Variants in MYH3 observed in about 807,000 individuals in gnomAD.
MYH3 encodes myosin-3.
Under a neutral mutation model 238.0 loss-of-function variants are expected in MYH3, and 130 were observed. The observed-to-expected ratio is 0.55, with a 90% confidence interval of 0.47 to 0.63. The LOEUF is 0.63. MYH3 is among the 30% of genes least tolerant of loss of function. The probability of loss-of-function intolerance (pLI) is 0.00; values close to 1 mark genes in which losing one functional copy is unlikely to be tolerated. For missense variants in MYH3, 1,853 were observed against 2,374.9 expected (o/e 0.78, Z 4.57); for synonymous variants, 880 against 924.1 (o/e 0.95, Z 0.86).
chr17:10,632,849 C>T (rs2074178682), intron 33 of MYH3, 65 bp from the exon 34 acceptor site: 2 of 1,527,468 alleles, frequency 1.3e-6, no homozygotes, highest in South Asian at 1.1e-5. Flanking sequence ...CACTACCCTG[C>T]AGGATAACAA....
At chr17:10,644,062 A>T (rs1431515235) in intron 14 of MYH3, among the ~76,000 whole-genome samples, 3 of 151,838 alleles carry the variant, frequency 2.0e-5, no homozygotes, top group East Asian at 3.9e-4. Context: ...CAGGAGGCTG[A>T]GGCAGGAGGT....
intron 33 of MYH3, 93 bp from the exon 34 acceptor site, chr17:10,632,877 C>T (rs999922636): frequency 6.1e-6 from 8 of 1,313,534 alleles, no homozygotes; most frequent in Non-Finnish European, 8.8e-6. Context: ...ATGGAATAGT[C>T]CTAAATCTAA....
chr17:10,630,962 C>T (rs1009644572), intron 36 of MYH3, among the ~76,000 whole-genome samples: 2 of 152,202 alleles, frequency 1.3e-5, no homozygotes, highest in Non-Finnish European at 2.9e-5. Context: ...GATAAAATAA[C>T]CTAATCAATG....
At chr17:10,641,676 G>GCCCA (rs2074274197) in intron 17 of MYH3, among the ~76,000 whole-genome samples, 1 of 151,950 alleles carries the variant, frequency 6.6e-6, no homozygotes, top group Non-Finnish European at 1.5e-5. Flanking sequence ...CACCACACCT[G>GCCCA]GCTAATTTTT....
chr17:10,635,677 T>C, intron 29 of MYH3, 58 bp downstream of exon 29: 4 of 1,612,744 alleles, frequency 2.5e-6, no homozygotes, highest in Non-Finnish European at 3.4e-6. Context: ...TTTTATTTTT[T>C]CCTCCTACAG....
intron 19 of MYH3, 47 bp from the exon 20 acceptor site, chr17:10,640,733 A>G: frequency 1.2e-6 from 2 of 1,603,632 alleles, no homozygotes; most frequent in Non-Finnish European, 1.7e-6. Context: ...GCAAAGACAC[A>G]AACCTTGGAG....
In MYH3 at chr17:10,642,305, T is replaced by C. The variant is rs764508115; in HGVS notation, c.1894A>G (p.Ser632Gly). Residue 632 changes from serine (S) to glycine (G), a missense_variant, in exon 17 of 41, where the codon AGT becomes GGT. By Grantham distance (56) the Ser-to-Gly change is moderately conservative (BLOSUM62 0). This residue lies in a region of MYH3 where 678 missense variants were observed against 1,058.9 expected (regional missense o/e 0.64). Transcript: ENST00000583535. This position sits in a 1 kb window ranked among gnomAD's most constrained non-coding sequence, Gnocchi z 5.4. ...TTCTTGGCAACTTTCTTCTTTCCAC[T>C]GTCAGCTGAAAGCAATAAGGGAGGG... Reference protein sequence around the residue: ...YATFATADADSGKKKVAKKKG... With the variant: ...YATFATADADGGKKKVAKKKG... 1 of 1,614,166 alleles carries C rather than the reference T, an allele frequency of 6.2e-7. No homozygotes were observed. Among genetic ancestry groups the C allele is most frequent in the East Asian group, 2.2e-5 (1 of 44,888 alleles).
rs1278822605 is a variant in MYH3, at chr17:10,630,148, CTG to C, written c.5504_5505del (p.Thr1835ArgfsTer4). ...TACTTCCTCAGGCCCTTAACAGACT[CTG>C]TGTTCTTCTTCTGCTCTCCCTCAAG... ...FELEGEQKKN[T>X]ESVKGLRKYE... On this transcript the variant is annotated frameshift_variant, in exon 38 of 41. Coordinates refer to ENST00000583535, the MANE Select transcript of MYH3 (RefSeq NM_002470.4). LOFTEE classifies it high-confidence loss of function. 6.2e-7 allele frequency: 1 copy of C among 1,614,068 alleles called. No homozygotes were observed. Among genetic ancestry groups the C allele is most frequent in the Non-Finnish European group, 8.5e-7 (1 of 1,180,042 alleles).
chr17:10,669,392 A>G, the MYH3 span, among the ~76,000 whole-genome samples: 5 of 151,928 alleles, frequency 3.3e-5, no homozygotes, highest in African/African-American at 1.2e-4. Flanking sequence ...ATCTCTACTA[A>G]AAATACAAAA....
rs1310796995 is a variant in MYH3, at chr17:10,633,702, A to T, written c.4536T>A (p.Asp1512Glu). The T allele has an allele frequency of 6.2e-7, 1 of 1,614,028 alleles. No homozygotes were observed. Among genetic ancestry groups the T allele is most frequent in the Non-Finnish European group, 8.5e-7 (1 of 1,180,004 alleles). The change falls in exon 33 of 41, where the codon GAT (aspartate) becomes GAA (glutamate). Residue 1512 changes from aspartate (D) to glutamate (E), a missense_variant. Asp to Glu is a conservative substitution (Grantham distance 45). Coordinates refer to ENST00000583535, the MANE Select transcript of MYH3 (RefSeq NM_002470.4). ...CATTTTCAGCAATTTGTTCTGTGAG[A>T]TCTGCTATCTCCTCTGTAAAGAAGT... is the stretch of plus-strand genomic sequence containing the variant. ...ENKNLEQEIA[D>E]LTEQIAENGK...
At chr17:10,647,143 A>G in intron 10 of MYH3, 39 bp downstream of exon 10, 1 of 1,493,320 alleles carries the variant, frequency 6.7e-7, no homozygotes, top group Non-Finnish European at 9.3e-7. Context: ...ATCAGAGTCA[A>G]ACTACCTAAA....
At chr17:10,640,542 C>T (rs2074261197) in intron 20 of MYH3, 21 bp downstream of exon 20, 1 of 1,614,154 alleles carries the variant, frequency 6.2e-7, no homozygotes, top group Non-Finnish European at 8.5e-7. Flanking sequence ...AGGCCAGCAT[C>T]TGTCAGAACT....
Position 10,641,361 on chromosome 17 carries a change from G to A in MYH3, c.1971C>T (p.Asn657=), listed in dbSNP as rs764796891. The A allele has an allele frequency of 5.1e-5, 81 of 1,592,200 alleles. No homozygotes were observed. The South Asian group carries it at 6.3e-4, about 12-fold the overall frequency. Residue 657 remains asparagine, a synonymous_variant, in exon 18 of 41, where the codon AAC becomes AAT. Transcript: ENST00000583535. ...TVSALFRENL[N]KLMSNLRTTH... is the part of the protein sequence containing the mutation. The stretch of plus-strand genomic sequence containing the variant: ...TAGTTCTTAAATTTGACATCAGCTT[G>A]TTCAGGTTTTCCTAAGAGAAAAAAA...
chr17:10,629,996 T>C (rs887560046), intron 38 of MYH3, 59 bp from the exon 39 acceptor site: 1 of 1,606,612 alleles, frequency 6.2e-7, no homozygotes, highest in African/African-American at 1.3e-5. Context: ...GCACACGGCA[T>C]GGGCAGCTTT....
chr17:10,633,963 C>A, intron 32 of MYH3, 54 bp downstream of exon 32: 1 of 1,602,426 alleles, frequency 6.2e-7, no homozygotes, highest in South Asian at 1.1e-5. Flanking sequence ...CCAGCATGCT[C>A]TCGAGCAATA....
In MYH3 at chr17:10,635,669, T is replaced by A. The variant is rs1389539234; in HGVS notation, c.3975+66A>T. On this transcript the variant is annotated intron_variant, in intron 29 of 40. Coordinates refer to ENST00000583535, the MANE Select transcript of MYH3 (RefSeq NM_002470.4). ...ACCACCTTCTGAATGAAGTTGCCTT[T>A]TATTTTTTCCTCCTACAGGTGATAT... 6 of 1,612,962 alleles carry A rather than the reference T, an allele frequency of 3.7e-6. No individual in the cohort carries two copies. The Admixed American group carries it at 1.0e-4, about 27-fold the overall frequency.
chr17:10,632,829 G>C (rs1369591492), intron 33 of MYH3, 45 bp from the exon 34 acceptor site: 1 of 1,594,360 alleles, frequency 6.3e-7, no homozygotes, highest in Admixed American at 1.7e-5. Context: ...TGATGGTATG[G>C]AGCCAGCTCC....
Position 10,654,880 on chromosome 17 carries a change from A to G in MYH3, c.185T>C (p.Val62Ala), listed in dbSNP as rs1252698051. The G allele has an allele frequency of 2.5e-6, 4 of 1,613,994 alleles. No homozygotes were observed. Among genetic ancestry groups the G allele is most frequent in the South Asian group, 1.1e-5 (1 of 91,082 alleles). Residue 62 changes from valine to alanine, a missense_variant, in exon 3 of 41, where the codon GTG (valine) becomes GCG (alanine). By Grantham distance (64) the Val-to-Ala change is moderately conservative (BLOSUM62 0). Coordinates refer to ENST00000583535, the MANE Select transcript of MYH3 (RefSeq NM_002470.4). The surrounding 1 kb of genome is among the most constrained non-coding windows in gnomAD (Gnocchi z 4.5). ...CCTTACCCTGTTGTCCTCAGTTTCC[A>G]CAGTGACCTTCCCATCCTGAGAACT... ...IKSSQDGKVT[V>A]ETEDNRTLVV...
Position 10,639,998 on chromosome 17 carries a change from C to A in MYH3, c.2680G>T (p.Ala894Ser). 1 of 1,613,400 alleles carries A rather than the reference C, an allele frequency of 6.2e-7. No individual in the cohort carries two copies. Among genetic ancestry groups the A allele is most frequent in the Non-Finnish European group, 8.5e-7 (1 of 1,179,940 alleles). Residue 894 changes from alanine (A) to serine (S), a missense_variant and splice_region_variant, in exon 22 of 41, where the codon GCT (alanine) becomes TCT (serine). This residue lies in a region of MYH3 where 678 missense variants were observed against 1,058.9 expected (regional missense o/e 0.64). Transcript: ENST00000583535. ...EKNDLQLQVQ[A>S]ESENLLDAEE... ...AAAAAAGATTGCTAAACACGTACAG[C>A]TTGTACTTGGAGCTGCAGGTCATTC... is the stretch of plus-strand genomic sequence containing the variant.
Sources: allele counts gnomAD v4.1 joint callset (sites outside exome capture counted in the v4.1 genomes callset), GRCh38; gene constraint gnomAD v4.1.1; regional missense constraint gnomAD v4.1.1; non-coding constraint Gnocchi (gnomAD v3.1); transcripts MANE v1.5; gene names NCBI Gene and HGNC (gene_info 2026-07-23, HGNC 2026-07-21).